USP28: variants seen among roughly 807,000 people sequenced by gnomAD.
USP28 encodes the protein ubiquitin specific peptidase 28, also known as ubiquitin carboxyl-terminal hydrolase 28.
Under a neutral mutation model 145.0 loss-of-function variants are expected in USP28, and 113 were observed. That is an observed-to-expected ratio of 0.78 (90% CI 0.67 to 0.91). The LOEUF is 0.91. Ranked by LOEUF, USP28 falls within the 40% of genes least tolerant of loss-of-function variation. The probability of loss-of-function intolerance (pLI) is 0.00; values close to 1 mark genes in which losing one functional copy is unlikely to be tolerated. For missense variants in USP28, 1,201 were observed against 1,289.6 expected, an observed-to-expected ratio of 0.93 and a Z score of 1.05; for synonymous variants, 447 against 450.9, an observed-to-expected ratio of 0.99 and a Z score of 0.11.
At chr11:113,819,476 A>G (rs189945022) in intron 12 of USP28, among the ~76,000 whole-genome samples, 41 of 152,264 alleles carry the variant, frequency 2.7e-4, no homozygotes, top group African/African-American at 9.4e-4. Context: ...CAAATACAAA[A>G]AAGTATAAAA....
chr11:113,840,846 AT>A, intron 4 of USP28, 89 bp from the exon 5 acceptor site: 1 of 1,438,106 alleles, frequency 7.0e-7, no homozygotes, highest in Non-Finnish European at 9.3e-7. Flanking sequence ...TTCGTGGATA[AT>A]TCAAAACACC....
chr11:113,874,841 T>G, intron 1 of USP28: 1 of 1,017,722 alleles, frequency 9.8e-7, no homozygotes, highest in Non-Finnish European at 1.2e-6. Flanking sequence ...ATCAGTAGAC[T>G]TTCTATTCAT....
At chr11:113,798,066 G>GTTTTTGT (rs1938246899) in exon 25 of USP28, 1 of 91,236 alleles carries the variant, frequency 1.1e-5, no homozygotes, top group Non-Finnish European at 2.0e-5. Context: ...ATGTATGCTG[G>GTTTTTGT]TTTTTTTTTT....
intron 3 of USP28, among the ~76,000 whole-genome samples, chr11:113,852,068 G>A (rs757783399): frequency 1.3e-5 from 2 of 151,932 alleles, no homozygotes; most frequent in East Asian, 1.9e-4. Context: ...TTGCTCTGTC[G>A]CCCAGGCTGG....
exon 9 of USP28, chr11:113,830,879 C>T: frequency 6.2e-7 from 1 of 1,613,892 alleles, no homozygotes; most frequent in Non-Finnish European, 8.5e-7. Flanking sequence ...TCACGAACCC[C>T]TTCAGTCAGG....
intron 1 of USP28, chr11:113,874,945 G>A (rs1591545016): frequency 1.1e-6 from 1 of 882,996 alleles, no homozygotes; most frequent in Non-Finnish European, 1.4e-6. Flanking sequence ...GGTTGGGAGG[G>A]AGGGAAGTGG....
intron 10 of USP28, 136 bp from the exon 11 acceptor site, chr11:113,827,496 CT>C (rs1306119104): frequency 9.9e-5 from 81 of 814,858 alleles, no homozygotes; most frequent in Non-Finnish European, 1.2e-4. Flanking sequence ...CATACTAGAA[CT>C]TTTTTTTATC....
At chr11:113,844,393 G>A (rs1365352422) in intron 3 of USP28, among the ~76,000 whole-genome samples, 2 of 151,658 alleles carry the variant, frequency 1.3e-5, no homozygotes, top group East Asian at 2.0e-4. Flanking sequence ...GCAGTGAGCC[G>A]AGATCGTACC....
intron 23 of USP28, among the ~76,000 whole-genome samples, chr11:113,802,322 ATAAC>A (rs1939179707): frequency 6.6e-6 from 1 of 152,258 alleles, no homozygotes; most frequent in Non-Finnish European, 1.5e-5. Flanking sequence ...TGCCACACCT[ATAAC>A]TAATACAGAT....
chr11:113,827,125 G>T, intron 11 of USP28, 108 bp downstream of exon 11: 1 of 1,349,416 alleles, frequency 7.4e-7, no homozygotes, highest in Non-Finnish European at 1.0e-6. Context: ...ATCCAAATTT[G>T]CATATTATCA....
intron 3 of USP28, among the ~76,000 whole-genome samples, chr11:113,843,778 T>C (rs1337927468): frequency 6.6e-6 from 1 of 151,068 alleles, no homozygotes; most frequent in African/African-American, 2.4e-5. Context: ...TAAGGAGACA[T>C]ATACATCAAT....
At chr11:113,859,766 A>G (rs1014473065) in intron 1 of USP28, among the ~76,000 whole-genome samples, 12 of 152,248 alleles carry the variant, frequency 7.9e-5, no homozygotes, top group Admixed American at 2.6e-4. Flanking sequence ...GAGACAAGAC[A>G]AAGCCTGTAC....
intron 8 of USP28, among the ~76,000 whole-genome samples, chr11:113,831,359 A>G (rs1047581560): frequency 1.3e-5 from 2 of 152,242 alleles, no homozygotes; most frequent in Admixed American, 1.3e-4. Flanking sequence ...ACAGAAATAA[A>G]AAGTTTCTCC....
chr11:113,870,984 T>C (rs946516423), intron 1 of USP28, among the ~76,000 whole-genome samples: 1 of 152,250 alleles, frequency 6.6e-6, no homozygotes, highest in South Asian at 2.1e-4. Flanking sequence ...CACGGTAAAA[T>C]GGAAAATGCA....
At chr11:113,810,921 C>T (rs558361399) in intron 16 of USP28, among the ~76,000 whole-genome samples, 10 of 152,296 alleles carry the variant, frequency 6.6e-5, no homozygotes, top group South Asian at 2.1e-4. Context: ...GTGATCCGCC[C>T]GCCTTGGCCT....
chr11:113,804,608 C>A (rs775291615), intron 21 of USP28, 65 bp downstream of exon 22: 3 of 1,445,480 alleles, frequency 2.1e-6, no homozygotes, highest in Non-Finnish European at 2.8e-6. Flanking sequence ...GTTTATTTTG[C>A]CTCAGGTACC....
exon 16 of USP28, chr11:113,812,493 G>A: frequency 1.2e-6 from 2 of 1,613,940 alleles, no homozygotes; most frequent in Non-Finnish European, 1.7e-6. Context: ...CTGCATGCAA[G>A]CGATAAGGCA....
chr11:113,815,056 G>C (rs1591196970), intron 14 of USP28, 118 bp downstream of exon 14: 3 of 891,794 alleles, frequency 3.4e-6, no homozygotes, highest in South Asian at 3.5e-5. Flanking sequence ...CATCTCGGCG[G>C]GGGGGAAATT....
At chr11:113,838,978 T>C (rs977620749) in intron 5 of USP28, among the ~76,000 whole-genome samples, 3 of 152,230 alleles carry the variant, frequency 2.0e-5, no homozygotes. Context: ...ATTGGGGCTA[T>C]GTAAGTTTAA....
Sources: gnomAD v4.1 joint callset for allele counts (sites outside exome capture counted in the v4.1 genomes callset) on GRCh38, gnomAD v4.1.1 for gene constraint, MANE v1.5 for transcripts, NCBI Gene and HGNC (gene_info 2026-07-23, HGNC 2026-07-21) for gene names.